The following MYCT1 variants were observed in gnomAD, a reference collection of about 807,000 sequenced individuals.
MYCT1 encodes the protein MYC target 1.
MYCT1 carries 12 observed loss-of-function variants against 15.0 expected under a neutral mutation model. The observed-to-expected ratio is 0.80, with a 90% CI of 0.51 to 1.29. The LOEUF is 1.29. Among genes scored for constraint, MYCT1 ranks in the 50% most tolerant of loss-of-function variants. The pLI is 0.00. For synonymous variants in MYCT1, 104 were observed against 102.7 expected, an observed-to-expected ratio of 1.01 and a Z score of -0.07; for missense variants, 287 against 279.1, an observed-to-expected ratio of 1.03 and a Z score of -0.20.
downstream of MYCT1, among the ~76,000 whole-genome samples, chr6:152,728,094 G>A (rs1218498811): frequency 6.6e-6 from 1 of 151,718 alleles, no homozygotes; most frequent in Non-Finnish European, 1.5e-5. Flanking sequence ...AATCTAGAAG[G>A]CAGAGGTTGC....
At chr6:152,740,428 G>A in the MYCT1 span, among the ~76,000 whole-genome samples, 3 of 152,080 alleles carry the variant, frequency 2.0e-5, no homozygotes, top group African/African-American at 7.2e-5. Context: ...TTAGAAATTT[G>A]CTTCTTTTCT....
At chr6:152,735,150 A>G in the MYCT1 span, among the ~76,000 whole-genome samples, 1 of 152,214 alleles carries the variant, frequency 6.6e-6, no homozygotes, top group Non-Finnish European at 1.5e-5. Flanking sequence ...AATTATTAGG[A>G]TATCATCCAG....
the MYCT1 span, among the ~76,000 whole-genome samples, chr6:152,743,052 A>AGTTGTT: frequency 4.0e-5 from 6 of 151,750 alleles, no homozygotes; most frequent in African/African-American, 1.5e-4. Flanking sequence ...ATTATTTTGT[A>AGTTGTT]GTTGTTGTTG....
chr6:152,705,785 T>TA (rs1272413068), intron 1 of MYCT1: 13 of 579,242 alleles, frequency 2.2e-5, no homozygotes, highest in South Asian at 1.7e-4. Context: ...CTGACTGAGA[T>TA]AAAAAAACTG....
chr6:152,701,958 TC>T (rs751540561), intron 1 of MYCT1, among the ~76,000 whole-genome samples: 59 of 152,104 alleles, frequency 3.9e-4, no homozygotes, highest in Non-Finnish European at 5.3e-4. Flanking sequence ...TAACACTATG[TC>T]CCCTGCTCCC....
chr6:152,708,567 C>T (rs2099722687), intron 1 of MYCT1, among the ~76,000 whole-genome samples: 1 of 151,956 alleles, frequency 6.6e-6, no homozygotes. Context: ...TATTTATATC[C>T]TGTCCCAATT....
the MYCT1 span, among the ~76,000 whole-genome samples, chr6:152,730,244 A>G: frequency 1.3e-5 from 2 of 152,284 alleles, no homozygotes; most frequent in Middle Eastern, 3.4e-3. Flanking sequence ...ATTATGTGCC[A>G]TCTTAGAAGT....
chr6:152,733,248 C>T, the MYCT1 span, among the ~76,000 whole-genome samples: 18 of 151,950 alleles, frequency 1.2e-4, no homozygotes, highest in African/African-American at 3.1e-4. Flanking sequence ...GGATGACAGA[C>T]GCATGCCACC....
In MYCT1 at chr6:152,705,381, A is replaced by G. The variant is rs1475454668; in HGVS notation, c.196+7283A>G. On this transcript the variant is annotated intron_variant, in intron 1 of 1. Coordinates refer to ENST00000367245, the MANE Select transcript of MYCT1 (RefSeq NM_025107.3). ...TATGGGTACTGGAAGTACAGTTTCT[A>G]CTGAATGCTTATGGCTTTTGCACCA... 1.1e-4 allele frequency among the ~76,000 whole-genome samples: 17 copies of G among 152,320 alleles called. 1 individual carries two copies. In the East Asian group the frequency reaches 3.3e-3, roughly 29 times the overall value.
At chr6:152,700,030 C>A (rs1006147323) in intron 1 of MYCT1, among the ~76,000 whole-genome samples, 1 of 151,842 alleles carries the variant, frequency 6.6e-6, no homozygotes, top group African/African-American at 2.4e-5. Context: ...ACATGGAGAG[C>A]AGATATAATG....
At chr6:152,721,064 G>A (rs1338054880) in intron 1 of MYCT1, among the ~76,000 whole-genome samples, 1 of 152,146 alleles carries the variant, frequency 6.6e-6, no homozygotes, top group Non-Finnish European at 1.5e-5. Context: ...ATCATCACAA[G>A]GGCGTAACAG....
chr6:152,729,413 G>A (rs1486267345), downstream of MYCT1, among the ~76,000 whole-genome samples: 3 of 151,884 alleles, frequency 2.0e-5, no homozygotes, highest in Admixed American at 2.0e-4. Flanking sequence ...TACATATACA[G>A]TGTCACAACA....
At chr6:152,739,927 A>G in the MYCT1 span, among the ~76,000 whole-genome samples, 1 of 152,164 alleles carries the variant, frequency 6.6e-6, no homozygotes, top group Non-Finnish European at 1.5e-5. Flanking sequence ...AGGTGTTTAT[A>G]TTCACTTCCA....
the MYCT1 span, among the ~76,000 whole-genome samples, chr6:152,736,077 A>C: frequency 3.9e-5 from 6 of 152,082 alleles, no homozygotes; most frequent in South Asian, 6.2e-4. Context: ...TAAAAACCAG[A>C]GTCTTACATC....
the MYCT1 span, among the ~76,000 whole-genome samples, chr6:152,735,206 T>G: frequency 6.6e-6 from 1 of 152,120 alleles, no homozygotes; most frequent in Non-Finnish European, 1.5e-5. Context: ...GCTAAAAGGG[T>G]AAAAATATTT....
chr6:152,699,420 A>G (rs2099720951), intron 1 of MYCT1, among the ~76,000 whole-genome samples: 1 of 152,200 alleles, frequency 6.6e-6, no homozygotes, highest in Non-Finnish European at 1.5e-5. Context: ...TAACAGAATT[A>G]AGAAGAAGAA....
At chr6:152,717,174 G>GA (rs5880999) in intron 1 of MYCT1, among the ~76,000 whole-genome samples, 8 of 150,616 alleles carry the variant, frequency 5.3e-5, no homozygotes, top group Non-Finnish European at 7.4e-5. Flanking sequence ...ATAATTAAAT[G>GA]AAAAAAAAAT....
downstream of MYCT1, among the ~76,000 whole-genome samples, chr6:152,725,827 T>C (rs912655984): frequency 6.6e-6 from 1 of 152,164 alleles, no homozygotes; most frequent in African/African-American, 2.4e-5. Flanking sequence ...CCAAGCCTGC[T>C]ATACTAGCCA....
At chr6:152,715,880 G>A (rs2099723566) in intron 1 of MYCT1, among the ~76,000 whole-genome samples, 1 of 152,150 alleles carries the variant, frequency 6.6e-6, no homozygotes, top group Admixed American at 6.5e-5. Flanking sequence ...GAAGAGTAGA[G>A]GAGATGGGCT....
Sources: gnomAD v4.1 joint callset for allele counts (sites outside exome capture counted in the v4.1 genomes callset) on GRCh38, gnomAD v4.1.1 for gene constraint, MANE v1.5 for transcripts, NCBI Gene and HGNC (gene_info 2026-07-23, HGNC 2026-07-21) for gene names.